The following ARMC3 variants were observed in gnomAD, a reference collection of about 807,000 sequenced individuals.
ARMC3 encodes armadillo repeat containing 3.
In ARMC3, 74 loss-of-function variants were observed where a neutral mutation model predicts 90.3. That is an observed-to-expected ratio of 0.82 (90% CI 0.68 to 0.99). The LOEUF (loss-of-function observed/expected upper bound fraction) is 0.99, where lower values mean the gene tolerates loss of function less well. ARMC3 is among the 50% of genes least tolerant of loss of function. ARMC3 has a pLI of 0.00. For missense variants in ARMC3, 958 were observed against 1,042.8 expected (o/e 0.92, Z 1.12); for synonymous variants, 334 against 361.8 (o/e 0.92, Z 0.87).
At chr10:22,976,073 G>A (rs1835907993) in intron 8 of ARMC3, among the ~76,000 whole-genome samples, 1 of 152,124 alleles carries the variant, frequency 6.6e-6, no homozygotes, top group Non-Finnish European at 1.5e-5. Flanking sequence ...TTCCCATAAT[G>A]CAGTATTGCA....
chr10:22,961,746 G>T, intron 6 of ARMC3, 138 bp from the exon 7 acceptor site: 4 of 656,022 alleles, frequency 6.1e-6, no homozygotes, highest in Non-Finnish European at 9.9e-6. Flanking sequence ...CTTATTTTTT[G>T]AGTTATTTTG....
chr10:22,968,159 T>G, intron 7 of ARMC3, 147 bp from the exon 8 acceptor site: 1 of 656,190 alleles, frequency 1.5e-6, no homozygotes, highest in Non-Finnish European at 2.6e-6. Context: ...GTTACTTTGA[T>G]AAGCAGAACT....
chr10:22,974,169 A>G lies in ARMC3; in HGVS notation c.916+5680A>G, dbSNP rs538958444. ...TAGCTTTTGATTCTAATTTGATATT[A>G]AGATTACCATGTATTATCAAACATG... is the stretch of plus-strand genomic sequence containing the variant. On this transcript the variant is annotated intron_variant, in intron 8 of 18. Coordinates refer to ENST00000298032, the MANE Select transcript of ARMC3 (RefSeq NM_173081.5). Among the ~76,000 whole-genome samples, 11 of 152,282 alleles carry G rather than the reference A, an allele frequency of 7.2e-5. No individual in the cohort carries two copies. In the South Asian group the frequency reaches 2.3e-3, roughly 32 times the overall value.
intron 16 of ARMC3, among the ~76,000 whole-genome samples, chr10:23,010,373 T>C: frequency 1.0e-5 from 1 of 95,298 alleles, no homozygotes; most frequent in Non-Finnish European, 2.1e-5. Context: ...CCCCTTTCCT[T>C]CCCTTCCTTC....
chr10:23,037,378 G>C lies in ARMC3; in HGVS notation c.2518G>C (p.Gly840Arg). ...TGACTCTCGGAAGGGAGTGATTGGG[G>C]GCCTCCCCGCTCCTGAGATGTACGT... Reference protein sequence around the residue: ...QNDSRKGVIGGLPAPEMYVID... With the variant: ...QNDSRKGVIGRLPAPEMYVID... The change falls in exon 19 of 19, where the codon GGC becomes CGC. Residue 840 changes from glycine to arginine, a missense_variant. Gly to Arg is a moderately radical substitution (Grantham distance 125). Coordinates refer to ENST00000298032, the MANE Select transcript of ARMC3 (RefSeq NM_173081.5). 1 of 1,613,966 alleles carries C rather than the reference G, an allele frequency of 6.2e-7. No homozygotes were observed. The highest frequency in any genetic ancestry group is 8.5e-7 in the Non-Finnish European group (1 of 1,179,904).
rs182212806 is a variant in ARMC3 at position 22,981,728 on chromosome 10, T to C, written c.1175+28T>C. On this transcript the variant is annotated intron_variant, in intron 10 of 18. Transcript: ENST00000298032. ...AAGTTCAGAGATCCTCACCCAGCAC[T>C]GACTTGTGGGACAATTCACAGTCCA... is the stretch of plus-strand genomic sequence containing the variant. The C allele has an allele frequency of 3.1e-5, 48 of 1,570,720 alleles. No individual in the cohort carries two copies. In the African/African-American group the frequency reaches 6.1e-4, roughly 20 times the overall value.
intron 3 of ARMC3, 96 bp downstream of exon 3, chr10:22,946,357 G>T: frequency 1.3e-6 from 1 of 743,484 alleles, no homozygotes; most frequent in Non-Finnish European, 2.2e-6. Context: ...TAACTTACTT[G>T]CTGTCGGATG....
intron 3 of ARMC3, among the ~76,000 whole-genome samples, chr10:22,948,719 T>C (rs1178591785): frequency 6.6e-6 from 1 of 152,070 alleles, no homozygotes; most frequent in African/African-American, 2.4e-5. Context: ...GAGAGCTTTT[T>C]GGCCATAGCA....
At chr10:22,972,399 G>A (rs1427972476) in intron 8 of ARMC3, among the ~76,000 whole-genome samples, 2 of 151,906 alleles carry the variant, frequency 1.3e-5, no homozygotes, top group East Asian at 3.9e-4. Context: ...TTTTCATGTA[G>A]ACATAAATTT....
chr10:23,035,450 C>T (rs1439008810), intron 18 of ARMC3, among the ~76,000 whole-genome samples: 1 of 152,090 alleles, frequency 6.6e-6, no homozygotes, highest in East Asian at 1.9e-4. Context: ...ATTAATTACC[C>T]AGAAATCTCC....
intron 3 of ARMC3, chr10:22,955,103 A>C (rs1285184053): frequency 1.3e-5 from 2 of 152,248 alleles, no homozygotes; most frequent in Non-Finnish European, 2.9e-5. Flanking sequence ...TCAAGCCCTC[A>C]ACAGATTGGA....
intron 16 of ARMC3, 38 bp from the exon 17 acceptor site, chr10:23,030,557 AG>A: frequency 6.3e-7 from 1 of 1,578,628 alleles, no homozygotes; most frequent in Middle Eastern, 1.7e-4. Flanking sequence ...TTTGTTTAGC[AG>A]AAGATGTGAT....
At chr10:22,977,187 T>G (rs1835964720) in intron 8 of ARMC3, among the ~76,000 whole-genome samples, 1 of 152,236 alleles carries the variant, frequency 6.6e-6, no homozygotes. Flanking sequence ...ATCTCAAATT[T>G]TCTAATTCTG....
intron 7 of ARMC3, among the ~76,000 whole-genome samples, chr10:22,963,889 A>T (rs113015766): frequency 0.017 from 181 of 10,928 alleles, 1 homozygote; most frequent in African/African-American, 0.039. Flanking sequence ...ACTCTGTCTC[A>T]CACACACACA....
chr10:22,985,790 A>G (rs1220520348), intron 10 of ARMC3, among the ~76,000 whole-genome samples: 1 of 152,190 alleles, frequency 6.6e-6, no homozygotes, highest in Non-Finnish European at 1.5e-5. Context: ...GACATAAAAT[A>G]TATCCTGGAA....
chr10:23,019,205 T>A (rs1838409141), intron 16 of ARMC3, among the ~76,000 whole-genome samples: 3 of 152,314 alleles, frequency 2.0e-5, no homozygotes, highest in Admixed American at 6.5e-5. Context: ...TTTAGGGGTG[T>A]TTGGTGCAGA....
chr10:22,960,133 C>T, intron 6 of ARMC3: 1 of 255,704 alleles, frequency 3.9e-6, no homozygotes, highest in Non-Finnish European at 7.4e-6. Flanking sequence ...TGCACCCCAA[C>T]CCCCAGAATA....
Position 23,037,275 on chromosome 10 carries a change from G to C in ARMC3, c.2415G>C (p.Leu805=), listed in dbSNP as rs748179663. ...TCTCTTGTTTTCTCCTGCAGGCTCT[G>C]GCTGATAGAATTGGCATTGGTTGCT... ...FYHRALLFKA[L]ADRIGIGCSL... is the part of the protein sequence containing the mutation. Residue 805 remains leucine, a synonymous_variant, in exon 19 of 19, where the codon CTG becomes CTC. Coordinates refer to ENST00000298032, the MANE Select transcript of ARMC3 (RefSeq NM_173081.5). 1 of 1,590,984 alleles carries C rather than the reference G, an allele frequency of 6.3e-7. No individual in the cohort carries two copies. The highest frequency in any genetic ancestry group is 8.6e-7 in the Non-Finnish European group (1 of 1,164,728).
chr10:23,005,426 A>G (rs1480974936), intron 13 of ARMC3, among the ~76,000 whole-genome samples: 1 of 152,180 alleles, frequency 6.6e-6, no homozygotes, highest in African/African-American at 2.4e-5. Context: ...TTCAGTAAAT[A>G]TTGTTATAAG....
Sources: allele counts gnomAD v4.1 joint callset (sites outside exome capture counted in the v4.1 genomes callset), GRCh38; gene constraint gnomAD v4.1.1; transcripts MANE v1.5; gene names NCBI Gene and HGNC (gene_info 2026-07-23, HGNC 2026-07-21).